Variants in PDGFRL observed in about 807,000 individuals in gnomAD.
The protein encoded by PDGFRL is platelet derived growth factor receptor like.
Under a neutral mutation model 37.2 loss-of-function variants are expected in PDGFRL, and 46 were observed. That is an observed-to-expected ratio of 1.24 (90% CI 0.98 to 1.58). PDGFRL has a LOEUF of 1.58. Among genes scored for constraint, PDGFRL ranks in the 40% most tolerant of loss-of-function variants. The pLI, the probability that PDGFRL is intolerant of heterozygous loss-of-function variation, is 0.00. For synonymous variants in PDGFRL, 251 were observed against 184.3 expected, an observed-to-expected ratio of 1.36 and a Z score of -2.93; for missense variants, 692 against 467.6, an observed-to-expected ratio of 1.48 and a Z score of -4.43.
At chr8:17,599,438 A>G (rs568995448) in intron 2 of PDGFRL, among the ~76,000 whole-genome samples, 18 of 152,170 alleles carry the variant, frequency 1.2e-4, no homozygotes, top group African/African-American at 2.4e-5. Context: ...ATAGTCTCCA[A>G]TTCTGGGCTC....
At position 17,628,603 on chromosome 8, in the gene PDGFRL, C is replaced by T. The variant is rs1804786049; in HGVS notation, c.622C>T (p.His208Tyr). Residue 208 changes from histidine to tyrosine, a missense_variant, in exon 4 of 6, where the codon CAC becomes TAC. Physicochemically the swap from His to Tyr is moderately conservative, Grantham distance 83. Transcript: ENST00000251630. ...VTVLSAKVTLHREFPAKEIPA... is the reference protein window; with the variant it reads ...VTVLSAKVTLYREFPAKEIPA... ...CGTGCTGTCGGCCAAAGTCACGCTC[C>T]ACAGGGAATTCCCAGCCAAGGAGAT... 1 of 1,614,182 alleles carries T rather than the reference C, an allele frequency of 6.2e-7. No homozygotes were observed. The highest frequency in any genetic ancestry group is 1.3e-5 in the African/African-American group (1 of 75,068).
At chr8:17,605,592 G>A (rs1804256888) in intron 2 of PDGFRL, among the ~76,000 whole-genome samples, 1 of 152,194 alleles carries the variant, frequency 6.6e-6, no homozygotes, top group Admixed American at 6.5e-5. Flanking sequence ...CGGAGAATAA[G>A]TGGGTCTGGA....
intron 5 of PDGFRL, among the ~76,000 whole-genome samples, chr8:17,638,786 T>TATATATATATATAAAA (rs751775328): frequency 9.7e-6 from 1 of 102,830 alleles, no homozygotes; most frequent in African/African-American, 3.8e-5. Context: ...TATATATATA[T>TATATATATATATAAAA]AATTGTGATA....
chr8:17,598,571 C>T (rs889815939), intron 2 of PDGFRL, among the ~76,000 whole-genome samples: 1 of 152,176 alleles, frequency 6.6e-6, no homozygotes, highest in Non-Finnish European at 1.5e-5. Flanking sequence ...CTGATGTGTA[C>T]ACTGCATGTA....
chr8:17,587,777 T>C (rs1198645349), intron 1 of PDGFRL, among the ~76,000 whole-genome samples: 1 of 152,088 alleles, frequency 6.6e-6, no homozygotes, highest in African/African-American at 2.4e-5. Context: ...ATTACAGGCA[T>C]GCGCCACCAT....
intron 3 of PDGFRL, among the ~76,000 whole-genome samples, chr8:17,624,656 C>A (rs576898718): frequency 5.6e-4 from 86 of 152,274 alleles, no homozygotes; most frequent in African/African-American, 2.0e-3. Flanking sequence ...CCTATAATCC[C>A]CTAGCACTTT....
At chr8:17,621,280 C>A in intron 3 of PDGFRL, 78 bp downstream of exon 3, 3 of 897,770 alleles carry the variant, frequency 3.3e-6, no homozygotes, top group Non-Finnish European at 3.4e-6. Flanking sequence ...CCACTGCATG[C>A]TGAATAGCAA....
intron 2 of PDGFRL, among the ~76,000 whole-genome samples, chr8:17,610,149 C>T (rs1471952725): frequency 1.3e-5 from 2 of 152,196 alleles, no homozygotes; most frequent in Non-Finnish European, 2.9e-5. Context: ...CAGAGGCTTG[C>T]TCCTTTGTCC....
intron 4 of PDGFRL, among the ~76,000 whole-genome samples, chr8:17,632,708 C>G (rs1411795468): frequency 6.6e-6 from 1 of 152,162 alleles, no homozygotes; most frequent in Non-Finnish European, 1.5e-5. Flanking sequence ...TTTGCGTGGC[C>G]TGAATGGCCT....
intron 5 of PDGFRL, among the ~76,000 whole-genome samples, chr8:17,638,170 G>A (rs976833204): frequency 6.6e-6 from 1 of 152,140 alleles, no homozygotes; most frequent in South Asian, 2.1e-4. Context: ...ACTTTTTGAT[G>A]TAGTCATTTA....
At chr8:17,633,932 C>T (rs1804913503) in intron 4 of PDGFRL, 142 bp from the exon 5 acceptor site, 2 of 848,740 alleles carry the variant, frequency 2.4e-6, no homozygotes, top group Non-Finnish European at 4.0e-6. Context: ...AAGTTGTGGG[C>T]TCACACTGTC....
At chr8:17,577,087 A>AAAAAAAAAAT, upstream of PDGFRL, 6 of 870,478 alleles carry the variant, frequency 6.9e-6, no homozygotes, top group South Asian at 1.1e-4. Flanking sequence ...AGAACTAAAA[A>AAAAAAAAAAT]AAAAAAAAAT....
chr8:17,628,283 C>G (rs528430498), intron 3 of PDGFRL, among the ~76,000 whole-genome samples: 1 of 151,982 alleles, frequency 6.6e-6, no homozygotes, highest in Non-Finnish European at 1.5e-5. Flanking sequence ...TGTGAGCTAC[C>G]GCGCCCAGCC....
intron 1 of PDGFRL, among the ~76,000 whole-genome samples, chr8:17,585,347 C>T (rs1470842523): frequency 6.6e-6 from 1 of 151,978 alleles, no homozygotes; most frequent in Non-Finnish European, 1.5e-5. Context: ...TTTACCCAGC[C>T]CCTATTCAAG....
chr8:17,641,071 A>G (rs1357699781), intron 5 of PDGFRL, among the ~76,000 whole-genome samples: 1 of 152,098 alleles, frequency 6.6e-6, no homozygotes, highest in Non-Finnish European at 1.5e-5. Context: ...CAGCAGTTAC[A>G]GGCCTCACCC....
At chr8:17,607,154 C>T (rs868748076) in intron 2 of PDGFRL, among the ~76,000 whole-genome samples, 7 of 152,000 alleles carry the variant, frequency 4.6e-5, no homozygotes, top group Admixed American at 1.3e-4. Flanking sequence ...CCTTGGCCTG[C>T]GAGTTTCGTT....
chr8:17,596,014 CAAGAG>C (rs1157683805), intron 2 of PDGFRL, among the ~76,000 whole-genome samples: 1 of 152,166 alleles, frequency 6.6e-6, no homozygotes, highest in Non-Finnish European at 1.5e-5. Flanking sequence ...GGGCCGTTGA[CAAGAG>C]GAGGTGGGTG....
At chr8:17,607,127 C>G (rs892063892) in intron 2 of PDGFRL, among the ~76,000 whole-genome samples, 3 of 152,038 alleles carry the variant, frequency 2.0e-5, no homozygotes. Flanking sequence ...AACTCCTGAC[C>G]TCAAGTGATC....
intron 2 of PDGFRL, among the ~76,000 whole-genome samples, chr8:17,596,135 G>C (rs1327414204): frequency 7.6e-6 from 1 of 130,970 alleles, no homozygotes; most frequent in Non-Finnish European, 1.5e-5. Context: ...CTTGCTGGGG[G>C]ACCTGGGCCA....
Sources: gnomAD v4.1 joint callset for allele counts (sites outside exome capture counted in the v4.1 genomes callset) on GRCh38, gnomAD v4.1.1 for gene constraint, MANE v1.5 for transcripts, NCBI Gene and HGNC (gene_info 2026-07-23, HGNC 2026-07-21) for gene names.